CNBD1: variants seen among roughly 807,000 people sequenced by gnomAD.
CNBD1 encodes cyclic nucleotide binding domain containing 1.
Under a neutral mutation model 54.4 loss-of-function variants are expected in CNBD1, and 71 were observed. The observed-to-expected ratio is 1.30, with a 90% CI of 1.08 to 1.59. CNBD1 has a LOEUF of 1.59. Among genes scored for constraint, CNBD1 ranks in the 40% most tolerant of loss-of-function variants. The pLI is 0.00. For synonymous variants in CNBD1, 182 were observed against 170.7 expected, an observed-to-expected ratio of 1.07 and a Z score of -0.51; for missense variants, 659 against 518.0, an observed-to-expected ratio of 1.27 and a Z score of -2.64.
At chr8:86,980,428 C>T (rs1808455922) in intron 4 of CNBD1, among the ~76,000 whole-genome samples, 1 of 152,202 alleles carries the variant, frequency 6.6e-6, no homozygotes. Context: ...TGGCTCACTG[C>T]TCTGTATTTA....
At chr8:86,967,901 A>T (rs2130484571) in intron 4 of CNBD1, among the ~76,000 whole-genome samples, 1 of 152,134 alleles carries the variant, frequency 6.6e-6, no homozygotes, top group Non-Finnish European at 1.5e-5. Flanking sequence ...GATACTGGGT[A>T]AAAGAAACTG....
At chr8:87,413,849 A>C (rs199953119) in intron 2 of CNBD1, among the ~76,000 whole-genome samples, 3 of 150,442 alleles carry the variant, frequency 2.0e-5, no homozygotes, top group Non-Finnish European at 3.0e-5. Context: ...TTAGAATGGC[A>C]ATCATTAAAA....
chr8:87,195,672 C>A (rs934355717), intron 4 of CNBD1, among the ~76,000 whole-genome samples: 2 of 151,292 alleles, frequency 1.3e-5, no homozygotes, highest in Non-Finnish European at 2.9e-5. Context: ...CTCTTGGATT[C>A]CAGCAATTCT....
intron 8 of CNBD1, among the ~76,000 whole-genome samples, chr8:87,336,231 G>T (rs1246479330): frequency 6.6e-6 from 1 of 152,040 alleles, no homozygotes; most frequent in Non-Finnish European, 1.5e-5. Flanking sequence ...TCCTTAATTT[G>T]AATGTTGGCT....
intron 5 of CNBD1, among the ~76,000 whole-genome samples, chr8:87,211,528 G>A (rs983613435): frequency 6.6e-6 from 1 of 152,116 alleles, no homozygotes; most frequent in Admixed American, 6.5e-5. Flanking sequence ...GTTCTTGGGG[G>A]TGGGTCCCTT....
At chr8:87,359,863 G>T (rs962398849) in intron 10 of CNBD1, among the ~76,000 whole-genome samples, 1 of 152,016 alleles carries the variant, frequency 6.6e-6, no homozygotes, top group East Asian at 1.9e-4. Context: ...ATTTGAGAAA[G>T]TCCACTAAAA....
chr8:87,294,984 AATTT>A (rs1808854625), intron 8 of CNBD1, among the ~76,000 whole-genome samples: 1 of 151,676 alleles, frequency 6.6e-6, no homozygotes, highest in South Asian at 2.1e-4. Context: ...AAGAATCTTC[AATTT>A]ATTTGCCATG....
chr8:87,186,284 G>C (rs1813474071), intron 4 of CNBD1, among the ~76,000 whole-genome samples: 1 of 151,816 alleles, frequency 6.6e-6, no homozygotes, highest in Non-Finnish European at 1.5e-5. Flanking sequence ...TTTTTCTTCT[G>C]CAGCCTTCCT....
At chr8:87,383,441 G>A (rs1224472731), downstream of CNBD1, among the ~76,000 whole-genome samples, 1 of 152,120 alleles carries the variant, frequency 6.6e-6, no homozygotes, top group Non-Finnish European at 1.5e-5. Flanking sequence ...TTATTTTAGA[G>A]ATAAAGAACT....
intron 5 of CNBD1, among the ~76,000 whole-genome samples, chr8:87,220,325 G>A (rs1231150480): frequency 2.0e-5 from 3 of 151,848 alleles, no homozygotes; most frequent in African/African-American, 7.3e-5. Context: ...CCTCTGACCA[G>A]TCACCTCAAG....
chr8:86,973,951 TTTA>T (rs750681445), intron 4 of CNBD1, among the ~76,000 whole-genome samples: 66 of 152,152 alleles, frequency 4.3e-4, no homozygotes, highest in Non-Finnish European at 8.2e-4. Context: ...TTAATAAATA[TTTA>T]TTGACTATTG....
chr8:87,093,500 A>G (rs1485890802), intron 4 of CNBD1, among the ~76,000 whole-genome samples: 1 of 152,110 alleles, frequency 6.6e-6, no homozygotes, highest in East Asian at 1.9e-4. Flanking sequence ...CCTTCAACTG[A>G]TTGGATGAGG....
intron 4 of CNBD1, among the ~76,000 whole-genome samples, chr8:87,059,174 A>T (rs951413900): frequency 6.6e-6 from 1 of 152,196 alleles, no homozygotes; most frequent in African/African-American, 2.4e-5. Flanking sequence ...TTTATTGTCC[A>T]TATCACTGTT....
intron 4 of CNBD1, among the ~76,000 whole-genome samples, chr8:86,955,254 C>G (rs537986444): frequency 1.3e-5 from 2 of 152,204 alleles, no homozygotes; most frequent in East Asian, 3.9e-4. Context: ...TGGGATGGTT[C>G]CAAGTCTTTG....
At position 87,005,951 on chromosome 8, in the gene CNBD1, G is replaced by C. The variant is rs116037457; in HGVS notation, c.431+66197G>C. Among the ~76,000 whole-genome samples the C allele has an allele frequency of 5.1e-3, 783 of 152,282 alleles. 8 individuals are homozygous for C. The highest frequency in any genetic ancestry group is 0.017 in the African/African-American group (723 of 41,552). On this transcript the variant is annotated intron_variant, in intron 4 of 10. Coordinates refer to ENST00000518476, the MANE Select transcript of CNBD1 (RefSeq NM_173538.3). ...GTTGTAAAACTGAAAGAGGCTGGGAGAAGATTTGTATCTCAGGGGGCAGAG... is the reference window on the plus strand; with the variant it reads ...GTTGTAAAACTGAAAGAGGCTGGGACAAGATTTGTATCTCAGGGGGCAGAG...
intron 4 of CNBD1, among the ~76,000 whole-genome samples, chr8:87,008,748 T>A (rs1216129724): frequency 6.6e-6 from 1 of 152,216 alleles, no homozygotes; most frequent in African/African-American, 2.4e-5. Flanking sequence ...AATGTTCCTG[T>A]AAGCTTATTT....
chr8:87,224,655 A>G (rs1041797670), intron 5 of CNBD1, among the ~76,000 whole-genome samples: 4 of 151,686 alleles, frequency 2.6e-5, no homozygotes, highest in African/African-American at 9.7e-5. Context: ...GCCTTGTAGT[A>G]TAGTTTGAAG....
chr8:87,388,622 CA>C (rs1379838157), intron 2 of CNBD1, among the ~76,000 whole-genome samples: 1 of 151,912 alleles, frequency 6.6e-6, no homozygotes, highest in African/African-American at 2.4e-5. Flanking sequence ...GCTTACCAAC[CA>C]AAAAAAGTCC....
intron 4 of CNBD1, among the ~76,000 whole-genome samples, chr8:86,965,281 G>A (rs1198864299): frequency 6.6e-6 from 1 of 152,136 alleles, no homozygotes; most frequent in Non-Finnish European, 1.5e-5. Flanking sequence ...ACCCTAATGG[G>A]CAGTCAGGGA....
Sources: gnomAD v4.1 joint callset for allele counts (sites outside exome capture counted in the v4.1 genomes callset) on GRCh38, gnomAD v4.1.1 for gene constraint, MANE v1.5 for transcripts, NCBI Gene and HGNC (gene_info 2026-07-23, HGNC 2026-07-21) for gene names.